Variants in ABCC1 observed in about 807,000 individuals in gnomAD.
The protein encoded by ABCC1 is ATP binding cassette subfamily C member 1 (ABCC1 blood group).
Under a neutral mutation model 172.9 loss-of-function variants are expected in ABCC1, and 83 were observed. The ratio of observed to expected loss-of-function variants is 0.48; its 90% CI spans 0.40 to 0.58. The LOEUF is 0.58. Ranked by LOEUF, ABCC1 falls within the 20% of genes least tolerant of loss-of-function variation. The pLI, the probability that ABCC1 is intolerant of heterozygous loss-of-function variation, is 0.00. For synonymous variants in ABCC1, 937 were observed against 825.2 expected (o/e 1.14, Z -2.32); for missense variants, 1,817 against 2,002.7 (o/e 0.91, Z 1.77).
intron 5 of ABCC1, among the ~76,000 whole-genome samples, chr16:16,023,985 G>A (rs993664477): frequency 6.6e-6 from 1 of 152,034 alleles, no homozygotes; most frequent in Non-Finnish European, 1.5e-5. Flanking sequence ...TTGGGAGGCC[G>A]AGGCAGGCAG....
At chr16:15,989,489 G>T (rs1251044222) in intron 1 of ABCC1, among the ~76,000 whole-genome samples, 2 of 152,150 alleles carry the variant, frequency 1.3e-5, no homozygotes, top group Non-Finnish European at 2.9e-5. Flanking sequence ...ATGTTCAGAA[G>T]CCCAGCGGGT....
chr16:16,098,912 G>A, intron 19 of ABCC1: 2 of 1,352,032 alleles, frequency 1.5e-6, no homozygotes, highest in South Asian at 2.3e-5. Context: ...GGTCAGTACT[G>A]CCCGGGTTGG....
At chr16:16,114,673 C>T in intron 22 of ABCC1, 93 bp from the exon 23 acceptor site, 2 of 1,242,134 alleles carry the variant, frequency 1.6e-6, no homozygotes, top group South Asian at 1.5e-5. Flanking sequence ...AGTTGGGAGT[C>T]CAGGCCTGCC....
At chr16:16,080,546 AC>A (rs2050766890) in intron 16 of ABCC1, among the ~76,000 whole-genome samples, 1 of 152,110 alleles carries the variant, frequency 6.6e-6, no homozygotes, top group South Asian at 2.1e-4. Context: ...GTGTAACGAC[AC>A]GTCCCTGGAA....
intron 19 of ABCC1, among the ~76,000 whole-genome samples, chr16:16,092,472 C>G (rs112158607): frequency 9.8e-5 from 15 of 152,308 alleles, no homozygotes; most frequent in African/African-American, 3.6e-4. Flanking sequence ...CATATAAATG[C>G]CATCACAATA....
At chr16:16,103,523 T>G (rs2051878263) in intron 20 of ABCC1, among the ~76,000 whole-genome samples, 1 of 152,164 alleles carries the variant, frequency 6.6e-6, no homozygotes, top group Non-Finnish European at 1.5e-5. Flanking sequence ...GAGGTTGCAG[T>G]GAGCCGAGAT....
At chr16:16,002,715 T>G (rs1483764235) in intron 1 of ABCC1, among the ~76,000 whole-genome samples, 2 of 148,362 alleles carry the variant, frequency 1.3e-5, no homozygotes, top group East Asian at 3.9e-4. Context: ...GAGGCTGCAG[T>G]GAGCTATGAT....
Position 15,966,532 on chromosome 16 carries a change from A to C in ABCC1, c.48+16733A>C, listed in dbSNP as rs1027089559. Among the ~76,000 whole-genome samples, 3 of 151,994 alleles carry C rather than the reference A, an allele frequency of 2.0e-5. No individual in the cohort carries two copies. The East Asian group carries it at 5.8e-4, about 29-fold the overall frequency. ...CTGGGAAGGGTAACCCAGTAGTTAT[A>C]ATTAGGTTGGCTTATCTGCGAGCCC... On this transcript the variant is annotated intron_variant, in intron 1 of 30. Coordinates refer to ENST00000399410, the MANE Select transcript of ABCC1 (RefSeq NM_004996.4).
At chr16:15,973,131 TAAC>T (rs1228186812) in intron 1 of ABCC1, among the ~76,000 whole-genome samples, 1 of 152,050 alleles carries the variant, frequency 6.6e-6, no homozygotes, top group Non-Finnish European at 1.5e-5. Context: ...TTTTAAGCCT[TAAC>T]AAAGTTATCG....
At chr16:15,975,996 T>G (rs898519420) in intron 1 of ABCC1, among the ~76,000 whole-genome samples, 7 of 152,030 alleles carry the variant, frequency 4.6e-5, no homozygotes, top group African/African-American at 1.7e-4. Flanking sequence ...CCAGACGCGG[T>G]GGCTTACGCC....
chr16:16,138,655 C>T (rs2046010429), intron 30 of ABCC1, 97 bp downstream of exon 30: 1 of 994,382 alleles, frequency 1.0e-6, no homozygotes, highest in African/African-American at 1.7e-5. Flanking sequence ...CTGTCCTTAT[C>T]CCTAGTGACA....
rs111880843 is a variant in ABCC1 at position 16,104,663 on chromosome 16, C to T, written c.2735+1946C>T. On this transcript the variant is annotated intron_variant, in intron 20 of 30. Transcript: ENST00000399410. ...AGCTGCCTGCCAGTCCCGTGCCGTG[C>T]GCCCTCACTCCTCAGCCCTTGGGCG... 5.5e-3 allele frequency among the ~76,000 whole-genome samples: 839 copies of T among 152,322 alleles called. 9 individuals are homozygous for T. Among genetic ancestry groups the T allele is most frequent in the African/African-American group, 0.019 (808 of 41,574 alleles).
intron 20 of ABCC1, among the ~76,000 whole-genome samples, chr16:16,103,864 G>A (rs776562332): frequency 6.6e-6 from 1 of 152,164 alleles, no homozygotes; most frequent in Non-Finnish European, 1.5e-5. Flanking sequence ...CAAGAATGAA[G>A]CCGCAGACCC....
intron 23 of ABCC1, among the ~76,000 whole-genome samples, chr16:16,118,564 A>G (rs2045006248): frequency 6.6e-6 from 1 of 152,042 alleles, no homozygotes; most frequent in South Asian, 2.1e-4. Context: ...ATGTCTGCCA[A>G]TAGCAGGACC....
intron 26 of ABCC1, among the ~76,000 whole-genome samples, chr16:16,126,417 A>T (rs2045438355): frequency 6.6e-6 from 1 of 152,066 alleles, no homozygotes; most frequent in Non-Finnish European, 1.5e-5. Flanking sequence ...ATGGAGTCTC[A>T]CTGTCACCCA....
Position 16,040,679 on chromosome 16 carries a change from G to A in ABCC1, c.810-3771G>A, listed in dbSNP as rs1197037364. Among the ~76,000 whole-genome samples the A allele has an allele frequency of 2.0e-5, 3 of 152,084 alleles. No individual in the cohort carries two copies. The South Asian group carries it at 6.2e-4, about 32-fold the overall frequency. ...GGTTAGTTACATATGTATAGAGACAGGTCTCACTGTGTTGCCCAGGCTGGT... is the reference window on the plus strand; with the variant it reads ...GGTTAGTTACATATGTATAGAGACAAGTCTCACTGTGTTGCCCAGGCTGGT... On this transcript the variant is annotated intron_variant, in intron 7 of 30. Coordinates refer to ENST00000399410, the MANE Select transcript of ABCC1 (RefSeq NM_004996.4).
intron 7 of ABCC1, among the ~76,000 whole-genome samples, chr16:16,037,338 C>CTAGGAT (rs1889830311): frequency 6.6e-6 from 1 of 152,182 alleles, no homozygotes; most frequent in South Asian, 2.1e-4. Flanking sequence ...GGATTTTAGG[C>CTAGGAT]TCTACCCCCT....
At position 16,141,621 on chromosome 16, in the gene ABCC1, G is replaced by A. The variant is rs553298549; in HGVS notation, c.*340G>A. The A allele has an allele frequency of 5.6e-4, 175 of 312,672 alleles. No individual in the cohort carries two copies. The highest frequency in any genetic ancestry group is 7.8e-4 in the Non-Finnish European group (131 of 167,218). The allele number at this position is 312,672 out of a possible 1,614,324, so 19.4% of individuals were successfully genotyped here. A position where few individuals can be genotyped will look rare whatever the true frequency, so the allele number is the denominator to read the frequency against. On this transcript the variant is annotated 3_prime_UTR_variant, in exon 31 of 31. Coordinates refer to ENST00000399410, the MANE Select transcript of ABCC1 (RefSeq NM_004996.4). The stretch of plus-strand genomic sequence containing the variant: ...AGTTTTGGCAGCCAGACTTCTGGAG[G>A]AATTGGTTGTATAGAAGATCCTAGT...
chr16:16,089,748 G>C (rs577018122), intron 18 of ABCC1, among the ~76,000 whole-genome samples: 5 of 151,116 alleles, frequency 3.3e-5, no homozygotes, highest in Admixed American at 1.3e-4. Flanking sequence ...GTGGTGGCGG[G>C]CGCATGTAAT....
Sources: gnomAD v4.1 joint callset for allele counts (sites outside exome capture counted in the v4.1 genomes callset) on GRCh38, gnomAD v4.1.1 for gene constraint, MANE v1.5 for transcripts, NCBI Gene and HGNC (gene_info 2026-07-23, HGNC 2026-07-21) for gene names.